Variants in TWF2 observed in about 807,000 individuals in gnomAD.
TWF2 encodes twinfilin actin binding protein 2.
A neutral mutation model predicts 45.1 loss-of-function variants in TWF2; 15 were observed. That is an observed-to-expected ratio of 0.33 (90% CI 0.22 to 0.51). The LOEUF (loss-of-function observed/expected upper bound fraction) is 0.51. Ranked by LOEUF, TWF2 falls within the 20% of genes least tolerant of loss-of-function variation. The pLI, the probability that TWF2 is intolerant of heterozygous loss-of-function variation, is 0.97. For missense variants in TWF2, 423 were observed against 469.1 expected (o/e 0.90, Z 0.91); for synonymous variants, 177 against 195.8 (o/e 0.90, Z 0.80).
At chr3:52,234,991 C>G (rs764723465) in intron 2 of TWF2, 38 bp downstream of exon 2, 2 of 1,608,490 alleles carry the variant, frequency 1.2e-6, no homozygotes, top group Non-Finnish European at 1.7e-6. Context: ...GCAGAGTCCA[C>G]CCCCAAGCCT....
chr3:52,231,875 C>T lies in TWF2; in HGVS notation c.282+69G>A, dbSNP rs978863507. 3.9e-5 allele frequency: 61 copies of T among 1,565,992 alleles called. 1 individual carries two copies. The highest frequency in any genetic ancestry group is 5.1e-5 in the Non-Finnish European group (59 of 1,154,748). ...GGCCTGTGTCCCCTCTTGGATCCCC[C>T]AGGGCAAGGCCTTGTTGCCTGGCTC... is the stretch of plus-strand genomic sequence containing the variant. On this transcript the variant is annotated intron_variant, in intron 3 of 8. Coordinates refer to ENST00000305533, the MANE Select transcript of TWF2 (RefSeq NM_007284.4).
intron 7 of TWF2, 64 bp from the exon 8 acceptor site, chr3:52,229,846 C>A: frequency 6.3e-7 from 1 of 1,594,638 alleles, no homozygotes; most frequent in Admixed American, 1.7e-5. Context: ...GCACCCAGAG[C>A]AGGCCTGCCC....
At chr3:52,229,263 T>G in intron 8 of TWF2, 62 bp from the exon 9 acceptor site, 1 of 1,581,436 alleles carries the variant, frequency 6.3e-7, no homozygotes, top group South Asian at 1.1e-5. Context: ...CCACCCCTGG[T>G]AGCCCCCACT....
chr3:52,230,200 C>T lies in TWF2; in HGVS notation c.610-130G>A. The T allele has an allele frequency of 2.4e-6, 3 of 1,252,904 alleles. 1 individual carries two copies. The South Asian group carries it at 4.7e-5, about 20-fold the overall frequency. The allele number at this position is 1,252,904 out of a possible 1,614,324, so 77.6% of individuals were successfully genotyped here. A position where few individuals can be genotyped will look rare whatever the true frequency, so the allele number is the denominator to read the frequency against. On this transcript the variant is annotated intron_variant, in intron 6 of 8. Coordinates refer to ENST00000305533, the MANE Select transcript of TWF2 (RefSeq NM_007284.4). ...ATGTGACCTCCCTCTCCCAAGACTC[C>T]CCTGCAATGGCCATCCCTCTATGGG...
chr3:52,239,124 C>A lies in TWF2; in HGVS notation c.-108G>T, dbSNP rs555678595. The A allele has an allele frequency of 5.2e-5, 68 of 1,313,356 alleles. 1 individual carries two copies. The African/African-American group carries it at 8.1e-4, about 16-fold the overall frequency. 81.4% of individuals were successfully genotyped at this position (1,313,356 alleles called of 1,614,324 possible). ...GGAGGATGTGGCGGAGGCTGTCGAC[C>A]CTCGCGCAGCTTCCCGGGCGGTGCC... On this transcript the variant is annotated 5_prime_UTR_variant, in exon 1 of 9. Coordinates refer to ENST00000305533, the MANE Select transcript of TWF2 (RefSeq NM_007284.4).
intron 2 of TWF2, among the ~76,000 whole-genome samples, chr3:52,233,913 CA>C (rs5848945): frequency 0.22 from 16,013 of 74,098 alleles, 921 homozygotes; most frequent in African/African-American, 0.35. Flanking sequence ...AACTCCGTCT[CA>C]AAAAAAAAAA....
intron 1 of TWF2, among the ~76,000 whole-genome samples, chr3:52,236,625 G>T (rs538858236): frequency 6.6e-6 from 1 of 151,952 alleles, no homozygotes; most frequent in Admixed American, 6.6e-5. Context: ...ACTCAGGGGC[G>T]GGGGGGCCTT....
At chr3:52,232,712 C>A (rs1401272629) in intron 2 of TWF2, among the ~76,000 whole-genome samples, 1 of 152,192 alleles carries the variant, frequency 6.6e-6, no homozygotes, top group African/African-American at 2.4e-5. Context: ...AGCTGCAGTC[C>A]CCTCGAAAAT....
Position 52,239,119 on chromosome 3 carries a change from T to TGG in TWF2, c.-104_-103insCC. On this transcript the variant is annotated 5_prime_UTR_variant, in exon 1 of 9. Transcript: ENST00000305533. Reference sequence around the variant, plus strand: ...GAGGTGGAGGATGTGGCGGAGGCTGTCGACCCTCGCGCAGCTTCCCGGGCG... The same window carrying TGG: ...GAGGTGGAGGATGTGGCGGAGGCTGTGGCGACCCTCGCGCAGCTTCCCGGGCG... 4.3e-6 allele frequency: 6 copies of TGG among 1,406,888 alleles called. No individual in the cohort carries two copies. Among genetic ancestry groups the TGG allele is most frequent in the Non-Finnish European group, 5.6e-6 (6 of 1,069,664 alleles). The allele number at this position is 1,406,888 out of a possible 1,614,324, so 87.2% of individuals were successfully genotyped here.
chr3:52,236,349 A>T (rs987737217), intron 1 of TWF2, among the ~76,000 whole-genome samples: 2 of 151,248 alleles, frequency 1.3e-5, no homozygotes, highest in African/African-American at 4.9e-5. Context: ...TGGGCTGTAG[A>T]GCTGGAAGGT....
Position 52,231,119 on chromosome 3 carries a change from C to G in TWF2, c.483+8G>C, listed in dbSNP as rs754782247. The G allele has an allele frequency of 6.2e-7, 1 of 1,613,970 alleles. No individual in the cohort carries two copies. Among genetic ancestry groups the G allele is most frequent in the South Asian group, 1.1e-5 (1 of 91,080 alleles). On this transcript the variant is annotated splice_region_variant and intron_variant, in intron 5 of 8. Coordinates refer to ENST00000305533, the MANE Select transcript of TWF2 (RefSeq NM_007284.4). ...GGCTCAAGGCTGGGGCCTCTGCTCC[C>G]CACCCACCTCGTTAATGCGGATCTG...
chr3:52,233,621 TC>T (rs1699699015), intron 2 of TWF2, among the ~76,000 whole-genome samples: 1 of 152,118 alleles, frequency 6.6e-6, no homozygotes. Flanking sequence ...ATCCAGAGAT[TC>T]CTCCTGCTTA....
rs1279318007 is a variant in TWF2 at position 52,229,990 on chromosome 3, G to A, written c.690C>T (p.Pro230=). The A allele has an allele frequency of 5.0e-6, 8 of 1,612,806 alleles. No homozygotes were observed. In the South Asian group the frequency reaches 7.7e-5, roughly 15 times the overall value. Residue 230 remains proline (P), a synonymous_variant, in exon 7 of 9, where the codon CCC becomes CCT. Coordinates refer to ENST00000305533, the MANE Select transcript of TWF2 (RefSeq NM_007284.4). ...TDVAQLPSRV[P]RDAARYHFFL... ...AGAAGTGGTAGCGGGCAGCATCTCG[G>A]GGCACCCGGGAGGGCAGCTGGGCCA...
Position 52,229,081 on chromosome 3 carries a change from G to A in TWF2, c.1003C>T (p.His335Tyr), listed in dbSNP as rs1024011775. 29 of 1,612,942 alleles carry A rather than the reference G, an allele frequency of 1.8e-5. No individual in the cohort carries two copies. Among genetic ancestry groups the A allele is most frequent in the Non-Finnish European group, 1.9e-5 (23 of 1,180,038 alleles). ...KPKGPGGKRG[H>Y]KRLIRGPGEN... ...CCCGGGCCGCGGATGAGGCGCTTAT[G>A]GCCCCGCTTGCCCCCTGGGCCCTTG... is the stretch of plus-strand genomic sequence containing the variant. Residue 335 changes from histidine (H) to tyrosine (Y), a missense_variant, in exon 9 of 9, where the codon CAT (histidine) becomes TAT (tyrosine). Coordinates refer to ENST00000305533, the MANE Select transcript of TWF2 (RefSeq NM_007284.4).
At chr3:52,235,142 G>C in intron 1 of TWF2, 36 bp from the exon 2 acceptor site, 1 of 1,605,408 alleles carries the variant, frequency 6.2e-7, no homozygotes, top group Non-Finnish European at 8.5e-7. Flanking sequence ...GGATGAGTGG[G>C]CAGAGTGGAC....
chr3:52,230,943 G>A lies in TWF2; in HGVS notation c.536C>T (p.Ala179Val), dbSNP rs114935680. ...ESKHQTLQGL[A>V]FPLQPEAQRA... ...CTGGGCCTCAGGCTGCAGGGGGAAG[G>A]CGAGGCCCTGCAGGGTCTGGTGCTT... The change falls in exon 6 of 9, where the codon GCC becomes GTC. Residue 179 changes from alanine (A) to valine (V), a missense_variant. By Grantham distance (64) the Ala-to-Val change is moderately conservative. Transcript: ENST00000305533. 97 of 1,604,348 alleles carry A rather than the reference G, an allele frequency of 6.0e-5. No homozygotes were observed. Among genetic ancestry groups the A allele is most frequent in the Non-Finnish European group, 7.9e-5 (93 of 1,175,604 alleles).
At position 52,228,826 on chromosome 3, in the gene TWF2, TG is replaced by T; in HGVS notation, c.*207del. ...AGCCAGGCAGGGTCCCCGGACACCC[TG>T]GGCACACAGACGAGATGCAGGGACA... On this transcript the variant is annotated 3_prime_UTR_variant, in exon 9 of 9. Transcript: ENST00000305533. 2.6e-6 allele frequency: 2 copies of T among 769,876 alleles called. No individual in the cohort carries two copies. Among genetic ancestry groups the T allele is most frequent in the South Asian group, 1.9e-5 (1 of 52,774 alleles). The allele number at this position is 769,876 out of a possible 1,614,324, so 47.7% of individuals were successfully genotyped here.
chr3:52,229,288 T>C, intron 8 of TWF2, 87 bp from the exon 9 acceptor site: 1 of 1,527,920 alleles, frequency 6.5e-7, no homozygotes, highest in South Asian at 1.2e-5. Flanking sequence ...GGGCACCCCT[T>C]ACTCTCACAT....
At position 52,228,934 on chromosome 3, in the gene TWF2, C is replaced by T; in HGVS notation, c.*100G>A. ...GTTCAGCTGCCAGCCCTCCTGACCT[C>T]CCAGAAACACTTTCCTGGAGCCCAG... On this transcript the variant is annotated 3_prime_UTR_variant, in exon 9 of 9. Transcript: ENST00000305533. 6.6e-7 allele frequency: 1 copy of T among 1,521,824 alleles called. No individual in the cohort carries two copies. Among genetic ancestry groups the T allele is most frequent in the Non-Finnish European group, 8.8e-7 (1 of 1,133,060 alleles). The allele number at this position is 1,521,824 out of a possible 1,614,324, so 94.3% of individuals were successfully genotyped here.
Sources: allele counts gnomAD v4.1 joint callset (sites outside exome capture counted in the v4.1 genomes callset), GRCh38; gene constraint gnomAD v4.1.1; transcripts MANE v1.5; gene names NCBI Gene and HGNC (gene_info 2026-07-23, HGNC 2026-07-21).